The following NSD2 variants were observed in gnomAD, a reference collection of about 807,000 sequenced individuals.
NSD2 encodes the protein nuclear receptor binding SET domain protein 2.
NSD2 carries 12 observed loss-of-function variants against 139.0 expected under a neutral mutation model. That is an observed-to-expected ratio of 0.09 (90% CI 0.06 to 0.14). NSD2 has a LOEUF of 0.14. NSD2 is among the 10% of genes least tolerant of loss of function. The pLI is 1.00. For missense variants in NSD2, 1,155 were observed against 1,745.0 expected (o/e 0.66, Z 6.02); for synonymous variants, 669 against 648.7 (o/e 1.03, Z -0.48).
Position 1,957,450 on chromosome 4 carries a change from A to ATT in NSD2, c.2882-467_2882-466dup, listed in dbSNP as rs57804419. Among the ~76,000 whole-genome samples the ATT allele has an allele frequency of 3.0e-3, 404 of 135,608 alleles. 2 individuals are homozygous for ATT. Among genetic ancestry groups the ATT allele is most frequent in the African/African-American group, 0.01 (366 of 36,436 alleles). The allele number at this position is 135,608 out of a possible 152,430, so 89.0% of individuals were successfully genotyped here. On this transcript the variant is annotated intron_variant, in intron 15 of 21. Transcript: ENST00000508803. The stretch of plus-strand genomic sequence containing the variant: ...ACGCACCTGCCATCATGCCTGGCTA[A>ATT]TTTTTTTTTTTTTTTTTGTAGAGAA...
chr4:1,884,350 G>A (rs776885829), intron 1 of NSD2, among the ~76,000 whole-genome samples: 3 of 151,818 alleles, frequency 2.0e-5, no homozygotes, highest in East Asian at 1.9e-4. Flanking sequence ...GCCCACCTTC[G>A]CCTCCCAAAG....
At chr4:1,938,396 C>CTTTTTTTTT (rs1191163534) in intron 7 of NSD2, 55 bp from the exon 8 acceptor site, 95 of 992,062 alleles carry the variant, frequency 9.6e-5, no homozygotes, top group Middle Eastern at 8.0e-4. Context: ...TCCTTTTTTT[C>CTTTTTTTTT]TTTTCTTTTT....
intron 1 of NSD2, among the ~76,000 whole-genome samples, chr4:1,891,440 AG>A (rs1715535833): frequency 6.6e-6 from 1 of 152,090 alleles, no homozygotes; most frequent in South Asian, 2.1e-4. Flanking sequence ...CTGCTGTCCT[AG>A]GGTTGAGACC....
At chr4:1,953,802 T>C (rs1560753324) in intron 12 of NSD2, among the ~76,000 whole-genome samples, 1 of 152,030 alleles carries the variant, frequency 6.6e-6, no homozygotes, top group Non-Finnish European at 1.5e-5. Flanking sequence ...GCTTTTTTTT[T>C]TTTCTTTATA....
At chr4:1,947,017 T>C (rs545864755) in intron 9 of NSD2, 10 of 1,063,322 alleles carry the variant, frequency 9.4e-6, no homozygotes, top group Admixed American at 1.1e-4. Context: ...ATGACTGAGG[T>C]AGGGGTGGGG....
intron 21 of NSD2, among the ~76,000 whole-genome samples, chr4:1,977,943 A>G (rs1450201222): frequency 6.6e-6 from 1 of 152,126 alleles, no homozygotes. Context: ...CCTGGCCAAC[A>G]TGGTGAAACC....
intron 17 of NSD2, among the ~76,000 whole-genome samples, chr4:1,960,745 A>G (rs929337312): frequency 6.6e-6 from 1 of 152,244 alleles, no homozygotes; most frequent in African/African-American, 2.4e-5. Context: ...TGGGTTATGT[A>G]GAAGCTTGGT....
At chr4:1,888,184 G>A (rs1183877567) in intron 1 of NSD2, among the ~76,000 whole-genome samples, 1 of 152,036 alleles carries the variant, frequency 6.6e-6, no homozygotes, top group African/African-American at 2.4e-5. Context: ...AGGCTGAGGT[G>A]GGTGGATCAC....
At chr4:1,901,841 C>T (rs1717220429) in intron 2 of NSD2, among the ~76,000 whole-genome samples, 1 of 152,222 alleles carries the variant, frequency 6.6e-6, no homozygotes, top group African/African-American at 2.4e-5. Flanking sequence ...TCTTGGTTCC[C>T]AGTGCAGAGC....
chr4:1,887,464 G>C (rs1350564567), intron 1 of NSD2: 1 of 152,118 alleles, frequency 6.6e-6, no homozygotes, highest in Non-Finnish European at 1.5e-5. Flanking sequence ...GAGTGACAAA[G>C]AATTATTGAC....
chr4:1,938,392 T>G, intron 7 of NSD2, 59 bp from the exon 8 acceptor site: 1 of 1,289,890 alleles, frequency 7.8e-7, no homozygotes, highest in Non-Finnish European at 1.0e-6. Context: ...TTTTTCCTTT[T>G]TTTCTTTTCT....
chr4:1,975,225 A>G, intron 19 of NSD2, 69 bp from the exon 20 acceptor site: 1 of 1,504,958 alleles, frequency 6.6e-7, no homozygotes, highest in Non-Finnish European at 9.2e-7. Context: ...TTGACCTAAT[A>G]CACGCCCCTT....
intron 3 of NSD2, among the ~76,000 whole-genome samples, chr4:1,909,913 A>G (rs1483972272): frequency 2.6e-5 from 4 of 151,910 alleles, no homozygotes; most frequent in Non-Finnish European, 5.9e-5. Context: ...TGCTGTGATT[A>G]CAGGCGTGAG....
In NSD2 at chr4:1,948,290, C is replaced by T. The variant is rs1378865375; in HGVS notation, c.1882-2782C>T. 12 of 1,065,520 alleles carry T rather than the reference C, an allele frequency of 1.1e-5. No homozygotes were observed. The highest frequency in any genetic ancestry group is 2.3e-6 in the Non-Finnish European group (2 of 878,538). The allele number at this position is 1,065,520 out of a possible 1,614,324, so 66.0% of individuals were successfully genotyped here. On this transcript the variant is annotated intron_variant, in intron 9 of 21. Transcript: ENST00000508803. This position sits in a 1 kb window ranked among gnomAD's most constrained non-coding sequence, Gnocchi z 4.5. The stretch of plus-strand genomic sequence containing the variant: ...TCCCTGCACTTTTCCTTTCCAAATG[C>T]ATCTCGTTGGATATGGAATAGATCG...
chr4:1,964,723 A>G (rs888587361), intron 18 of NSD2, among the ~76,000 whole-genome samples: 5 of 152,106 alleles, frequency 3.3e-5, no homozygotes, highest in African/African-American at 9.7e-5. Context: ...GCCAGCACCA[A>G]TTGCCCCCCT....
At chr4:1,934,726 T>C (rs1722098375) in intron 6 of NSD2, among the ~76,000 whole-genome samples, 1 of 146,068 alleles carries the variant, frequency 6.8e-6, no homozygotes, top group Non-Finnish European at 1.5e-5. Flanking sequence ...CACGTGCCTG[T>C]AATCCCAGCT....
At position 1,958,983 on chromosome 4, in the gene NSD2, G is replaced by A. The variant is rs1725102211; in HGVS notation, c.2986-488G>A. Among the ~76,000 whole-genome samples the A allele has an allele frequency of 2.0e-5, 3 of 152,158 alleles. No homozygotes were observed. The highest frequency in any genetic ancestry group is 4.4e-5 in the Non-Finnish European group (3 of 68,030). On this transcript the variant is annotated intron_variant, in intron 16 of 21. Coordinates refer to ENST00000508803, the MANE Select transcript of NSD2 (RefSeq NM_001042424.3). This position sits in a 1 kb window ranked among gnomAD's most constrained non-coding sequence, Gnocchi z 4.6. The stretch of plus-strand genomic sequence containing the variant: ...CTAATAGTAAACCACAAGGTCATGA[G>A]AGCAGAGGCTATGCCCTCCTGCCTA...
chr4:1,928,869 T>G (rs1721283559), intron 5 of NSD2, among the ~76,000 whole-genome samples: 1 of 152,016 alleles, frequency 6.6e-6, no homozygotes, highest in Non-Finnish European at 1.5e-5. Flanking sequence ...CTGAGGCCCT[T>G]GGAGCTTGAA....
intron 5 of NSD2, among the ~76,000 whole-genome samples, chr4:1,924,531 A>G (rs542278030): frequency 2.0e-5 from 3 of 152,260 alleles, no homozygotes; most frequent in Admixed American, 6.5e-5. Context: ...TGGTCCTTCT[A>G]GTGCTAAGAA....
Sources: allele counts gnomAD v4.1 joint callset (sites outside exome capture counted in the v4.1 genomes callset), GRCh38; gene constraint gnomAD v4.1.1; non-coding constraint Gnocchi (gnomAD v3.1); transcripts MANE v1.5; gene names NCBI Gene and HGNC (gene_info 2026-07-23, HGNC 2026-07-21).